Variants in MNS1 observed in about 807,000 individuals in gnomAD.
MNS1 encodes meiosis specific nuclear structural 1.
Under a neutral mutation model 72.0 loss-of-function variants are expected in MNS1, and 63 were observed. That is an observed-to-expected ratio of 0.87 (90% CI 0.71 to 1.08). The LOEUF (loss-of-function observed/expected upper bound fraction) is 1.08. Among genes scored for constraint, MNS1 ranks in the 50% least tolerant of loss-of-function variants. The pLI, the probability that MNS1 is intolerant of heterozygous loss-of-function variation, is 0.00. For synonymous variants in MNS1, 188 were observed against 172.1 expected (o/e 1.09, Z -0.72); for missense variants, 604 against 562.4 (o/e 1.07, Z -0.75).
chr15:56,443,753 A>T lies in MNS1; in HGVS notation c.788T>A (p.Met263Lys). Residue 263 changes from methionine to lysine, a missense_variant, in exon 6 of 10, where the codon ATG (methionine) becomes AAG (lysine). Met to Lys is a moderately conservative substitution (Grantham distance 95). Coordinates refer to ENST00000260453, the MANE Select transcript of MNS1 (RefSeq NM_018365.4). ...TATGATTTTTCTGTTTTCTTCTTCCATCTCCTCACGTTTCTTTTTTCTCCA... is the reference window on the plus strand; with the variant it reads ...TATGATTTTTCTGTTTTCTTCTTCCTTCTCCTCACGTTTCTTTTTTCTCCA... ...ALWRKKKREE[M>K]EEENRKIIEF... 1 of 1,612,826 alleles carries T rather than the reference A, an allele frequency of 6.2e-7. No individual in the cohort carries two copies. Among genetic ancestry groups the T allele is most frequent in the Non-Finnish European group, 8.5e-7 (1 of 1,179,612 alleles).
At chr15:56,432,907 T>C (rs16976904) in intron 8 of MNS1, among the ~76,000 whole-genome samples, 2,513 of 152,316 alleles carry the variant, frequency 0.016, 65 homozygotes, top group African/African-American at 0.057. Flanking sequence ...AATTCTTCTC[T>C]TCCTACCGAT....
chr15:56,431,697 T>C lies in MNS1; in HGVS notation c.1270-199A>G, dbSNP rs574099902. Among the ~76,000 whole-genome samples, 15 of 152,154 alleles carry C rather than the reference T, an allele frequency of 9.9e-5. 1 individual carries two copies. The highest frequency in any genetic ancestry group is 3.6e-4 in the African/African-American group (15 of 41,550). ...CATATCTATGTATTTTTTACTGTCA[T>C]TATTCCTTTAAAATTACAAGGAGGC... On this transcript the variant is annotated intron_variant, in intron 8 of 9. Coordinates refer to ENST00000260453, the MANE Select transcript of MNS1 (RefSeq NM_018365.4).
chr15:56,436,457 G>C (rs922399725), intron 7 of MNS1, among the ~76,000 whole-genome samples: 2 of 152,190 alleles, frequency 1.3e-5, no homozygotes, highest in South Asian at 2.1e-4. Context: ...ATTTAAAGCA[G>C]TGTGTAGAGG....
At position 56,456,491 on chromosome 15, in the gene MNS1, G is replaced by T. The variant is rs2050982561; in HGVS notation, c.256C>A (p.Gln86Lys). The part of the protein sequence containing the change: ...AEENKRLKEL[Q>K]LKQEEKLAME... ...GCCAGTTTTTCTTCTTGTTTGAGCTGGAGTTCTTTCAATCTCTTGTTTTCT... is the reference window on the plus strand; with the variant it reads ...GCCAGTTTTTCTTCTTGTTTGAGCTTGAGTTCTTTCAATCTCTTGTTTTCT... The change falls in exon 3 of 10, where the codon CAG (glutamine) becomes AAG (lysine). Residue 86 changes from glutamine to lysine, a missense_variant. Transcript: ENST00000260453. 6.2e-7 allele frequency: 1 copy of T among 1,611,172 alleles called. No homozygotes were observed. The highest frequency in any genetic ancestry group is 1.3e-5 in the African/African-American group (1 of 74,730).
chr15:56,443,040 CTAG>C (rs2050846408), intron 7 of MNS1, among the ~76,000 whole-genome samples: 1 of 152,142 alleles, frequency 6.6e-6, no homozygotes, highest in East Asian at 1.9e-4. Flanking sequence ...ATGACATCTT[CTAG>C]ATGAATTTAC....
chr15:56,452,755 C>T (rs886444990), intron 3 of MNS1, among the ~76,000 whole-genome samples: 2 of 151,966 alleles, frequency 1.3e-5, no homozygotes, highest in Non-Finnish European at 2.9e-5. Context: ...CCTGACCCTG[C>T]GATCCACTCA....
intron 3 of MNS1, among the ~76,000 whole-genome samples, chr15:56,450,294 T>A (rs1378960124): frequency 6.6e-6 from 1 of 151,884 alleles, no homozygotes; most frequent in Non-Finnish European, 1.5e-5. Flanking sequence ...TCCTAACCAT[T>A]TTTAAATGTA....
chr15:56,464,579 CCCACCA>C (rs3050228), intron 1 of MNS1, among the ~76,000 whole-genome samples: 1 of 150,396 alleles, frequency 6.6e-6, no homozygotes, highest in Non-Finnish European at 1.5e-5. Context: ...CCTCATTCCA[CCCACCA>C]CCACCACCAC....
Position 56,438,877 on chromosome 15 carries a change from G to A in MNS1, c.1012-4482C>T, listed in dbSNP as rs2050773145. Among the ~76,000 whole-genome samples the A allele has an allele frequency of 2.0e-5, 3 of 152,010 alleles. No homozygotes were observed. In the South Asian group the frequency reaches 6.2e-4, roughly 31 times the overall value. On this transcript the variant is annotated intron_variant, in intron 7 of 9. Transcript: ENST00000260453. ...AAAGAAGACATTTATGCAGCCAACA[G>A]ACAAGAACAGGAAAGGTGATGTCTA... is the stretch of plus-strand genomic sequence containing the variant.
chr15:56,443,224 A>G (rs527387149), intron 7 of MNS1, among the ~76,000 whole-genome samples: 1 of 152,278 alleles, frequency 6.6e-6, no homozygotes, highest in South Asian at 2.1e-4. Flanking sequence ...TAGTTGCATC[A>G]TGCTTTTTAT....
intron 8 of MNS1, among the ~76,000 whole-genome samples, chr15:56,432,360 G>A (rs1421366625): frequency 3.3e-5 from 5 of 152,156 alleles, no homozygotes; most frequent in African/African-American, 1.2e-4. Context: ...TACCTCCTGG[G>A]AAGTTTCAGA....
At position 56,446,192 on chromosome 15, in the gene MNS1, T is replaced by C. The variant is rs146447872; in HGVS notation, c.456+649A>G. Among the ~76,000 whole-genome samples the C allele has an allele frequency of 2.0e-3, 302 of 152,180 alleles. 5 individuals are homozygous for C. Among genetic ancestry groups the C allele is most frequent in the African/African-American group, 7.0e-3 (289 of 41,560 alleles). On this transcript the variant is annotated intron_variant, in intron 4 of 9. Coordinates refer to ENST00000260453, the MANE Select transcript of MNS1 (RefSeq NM_018365.4). ...TGTGGACATACACAATAGATATGTATGTGTATATAAACATTCATATATAAT... is the reference window on the plus strand; with the variant it reads ...TGTGGACATACACAATAGATATGTACGTGTATATAAACATTCATATATAAT...
intron 3 of MNS1, among the ~76,000 whole-genome samples, chr15:56,449,556 T>C (rs1042146476): frequency 4.6e-5 from 7 of 152,186 alleles, no homozygotes; most frequent in Admixed American, 4.6e-4. Flanking sequence ...AGTCTACAGG[T>C]TTCTCATATC....
At chr15:56,451,231 G>C (rs1227981740) in intron 3 of MNS1, among the ~76,000 whole-genome samples, 1 of 152,172 alleles carries the variant, frequency 6.6e-6, no homozygotes, top group Non-Finnish European at 1.5e-5. Flanking sequence ...AGGTAGGTTA[G>C]AACAGATATA....
chr15:56,448,947 G>GT (rs2050928224), intron 3 of MNS1, among the ~76,000 whole-genome samples: 1 of 151,852 alleles, frequency 6.6e-6, no homozygotes, highest in South Asian at 2.1e-4. Context: ...TACAGATGGA[G>GT]TTACACCATG....
At chr15:56,444,420 G>A in intron 5 of MNS1, 24 bp downstream of exon 5, 1 of 1,577,440 alleles carries the variant, frequency 6.3e-7, no homozygotes. Context: ...ATTTAGACAT[G>A]TAAGAAAGTT....
intron 7 of MNS1, among the ~76,000 whole-genome samples, chr15:56,439,296 T>C (rs778429626): frequency 7.9e-5 from 12 of 152,168 alleles, no homozygotes; most frequent in Non-Finnish European, 1.5e-4. Context: ...AGCCAAATTG[T>C]GTTCATGAAC....
Position 56,444,569 on chromosome 15 carries a change from G to C in MNS1, c.561C>G (p.Tyr187Ter). Reference sequence around the variant, plus strand: ...CAAGTTGTTTCTCTAAGTCAAGATAGTACTGTGCTTTCGCTTTGTTTCGTT... The same window carrying C: ...CAAGTTGTTTCTCTAAGTCAAGATACTACTGTGCTTTCGCTTTGTTTCGTT... ...EDKRNKAKAQ[Y>*]YLDLEKQLEE... The change falls in exon 5 of 10, where the codon TAC (tyrosine) becomes TAG (stop). Residue 187 changes from tyrosine (Y) to a stop codon, truncating the protein, a stop_gained. Coordinates refer to ENST00000260453, the MANE Select transcript of MNS1 (RefSeq NM_018365.4). LOFTEE classifies it high-confidence loss of function. 6.2e-7 allele frequency: 1 copy of C among 1,612,700 alleles called. No homozygotes were observed. Among genetic ancestry groups the C allele is most frequent in the East Asian group, 2.2e-5 (1 of 44,802 alleles).
chr15:56,442,842 A>T (rs536555108), intron 7 of MNS1, among the ~76,000 whole-genome samples: 2 of 152,078 alleles, frequency 1.3e-5, no homozygotes, highest in African/African-American at 4.8e-5. Context: ...ATGACCCACA[A>T]ATTTACCCCT....
Sources: allele counts gnomAD v4.1 joint callset (sites outside exome capture counted in the v4.1 genomes callset), GRCh38; gene constraint gnomAD v4.1.1; transcripts MANE v1.5; gene names NCBI Gene and HGNC (gene_info 2026-07-23, HGNC 2026-07-21).